Variants in SHC3 observed in about 807,000 individuals in gnomAD.
SHC3 encodes SHC-transforming protein 3.
A neutral mutation model predicts 60.4 loss-of-function variants in SHC3; 15 were observed. The observed-to-expected ratio is 0.25, with a 90% CI of 0.17 to 0.38. The LOEUF (loss-of-function observed/expected upper bound fraction) is 0.38. Ranked by LOEUF, SHC3 falls within the 10% of genes least tolerant of loss-of-function variation. The pLI is 1.00. For missense variants in SHC3, 677 were observed against 786.1 expected (o/e 0.86, Z 1.66); for synonymous variants, 294 against 325.9 (o/e 0.90, Z 1.05).
Position 89,045,623 on chromosome 9 carries a change from C to T in SHC3, c.1201+123G>A, listed in dbSNP as rs532117138. The T allele has an allele frequency of 9.9e-5, 82 of 825,592 alleles. 1 individual carries two copies. The highest frequency in any genetic ancestry group is 8.0e-4 in the South Asian group (48 of 60,162). The allele number at this position is 825,592 out of a possible 1,614,324, so 51.1% of individuals were successfully genotyped here. On this transcript the variant is annotated intron_variant, in intron 9 of 11. Coordinates refer to ENST00000375835, the MANE Select transcript of SHC3 (RefSeq NM_016848.6). ...GTCTAGTCAGGATTCTATAGCAACA[C>T]ACACAGCACATATATCCAGGGGTCA... is the stretch of plus-strand genomic sequence containing the variant.
chr9:89,028,457 AATTTAT>A (rs1407612823), intron 11 of SHC3, among the ~76,000 whole-genome samples: 3 of 149,538 alleles, frequency 2.0e-5, no homozygotes, highest in East Asian at 3.9e-4. Context: ...AAAGTTAAAC[AATTTAT>A]ATTAATAGAT....
At chr9:89,027,486 T>G (rs1487555263) in intron 11 of SHC3, among the ~76,000 whole-genome samples, 1 of 152,034 alleles carries the variant, frequency 6.6e-6, no homozygotes, top group Non-Finnish European at 1.5e-5. Flanking sequence ...CCGGCTAATT[T>G]TTTGTATTTT....
intron 1 of SHC3, among the ~76,000 whole-genome samples, chr9:89,127,277 C>A (rs1400103175): frequency 4.6e-5 from 7 of 152,114 alleles, no homozygotes; most frequent in African/African-American, 1.7e-4. Flanking sequence ...TTTCCTTTCT[C>A]TAAGCACCTG....
rs778562085 is a variant in SHC3, at chr9:89,037,877, C to T, written c.1656+116G>A. The T allele has an allele frequency of 2.2e-6, 3 of 1,335,514 alleles. No homozygotes were observed. In the East Asian group the frequency reaches 7.3e-5, roughly 32 times the overall value. 82.7% of individuals were successfully genotyped at this position (1,335,514 alleles called of 1,614,324 possible). On this transcript the variant is annotated intron_variant, in intron 11 of 11. Coordinates refer to ENST00000375835, the MANE Select transcript of SHC3 (RefSeq NM_016848.6). ...TGTCCCTGCGTTCCCCTGGAGGACT[C>T]AGTAGGCACTTGTGGATAGAGGTGG...
intron 1 of SHC3, among the ~76,000 whole-genome samples, chr9:89,171,337 A>G (rs1290610171): frequency 6.6e-6 from 1 of 152,236 alleles, no homozygotes; most frequent in African/African-American, 2.4e-5. Flanking sequence ...TAGATTGCCA[A>G]ACAATTATAT....
At chr9:89,041,667 C>A (rs551395444) in intron 10 of SHC3, among the ~76,000 whole-genome samples, 30 of 152,320 alleles carry the variant, frequency 2.0e-4, no homozygotes, top group Middle Eastern at 3.4e-3. Flanking sequence ...ACGGGCCATG[C>A]CATTTCATCT....
intron 11 of SHC3, among the ~76,000 whole-genome samples, chr9:89,030,790 G>T (rs9410448): frequency 1.3e-5 from 2 of 151,900 alleles, no homozygotes; most frequent in East Asian, 3.8e-4. Flanking sequence ...TTTTCCTTCC[G>T]TTTTTCCTCC....
chr9:89,169,001 C>T (rs1826830281), intron 1 of SHC3, among the ~76,000 whole-genome samples: 1 of 152,180 alleles, frequency 6.6e-6, no homozygotes, highest in Admixed American at 6.5e-5. Flanking sequence ...GGAACTGACA[C>T]CATAAGCTTT....
chr9:89,086,380 C>G (rs972817790), intron 2 of SHC3, among the ~76,000 whole-genome samples: 12 of 152,232 alleles, frequency 7.9e-5, no homozygotes, highest in Non-Finnish European at 1.6e-4. Context: ...TTTGCGAGAA[C>G]GGCTCACAGA....
At chr9:89,039,785 C>T (rs540951116) in intron 10 of SHC3, among the ~76,000 whole-genome samples, 4 of 151,434 alleles carry the variant, frequency 2.6e-5, no homozygotes, top group Admixed American at 2.0e-4. Flanking sequence ...TATCCCCTCA[C>T]CATTATCACC....
chr9:89,102,708 G>A (rs1195320207), intron 2 of SHC3, among the ~76,000 whole-genome samples: 1 of 152,092 alleles, frequency 6.6e-6, no homozygotes, highest in Non-Finnish European at 1.5e-5. Flanking sequence ...GCTAAACAAT[G>A]TACAGCAAAG....
intron 11 of SHC3, among the ~76,000 whole-genome samples, chr9:89,022,157 T>C (rs1030757503): frequency 1.3e-5 from 2 of 152,062 alleles, no homozygotes; most frequent in African/African-American, 4.8e-5. Flanking sequence ...GGCTGGACCA[T>C]GATCTTAGCC....
chr9:89,070,783 T>C (rs1198969472), intron 5 of SHC3, among the ~76,000 whole-genome samples: 2 of 152,206 alleles, frequency 1.3e-5, no homozygotes, highest in Non-Finnish European at 2.9e-5. Context: ...TTTTAAATGC[T>C]TATGAATAAA....
intron 3 of SHC3, among the ~76,000 whole-genome samples, chr9:89,077,499 T>A (rs1004641710): frequency 6.6e-6 from 1 of 152,232 alleles, no homozygotes; most frequent in Non-Finnish European, 1.5e-5. Flanking sequence ...AGCACACCAC[T>A]GGGGATATCT....
chr9:89,037,139 ACTGAGTCTTGGCAC>A (rs376672945), intron 11 of SHC3, among the ~76,000 whole-genome samples: 345 of 152,268 alleles, frequency 2.3e-3, no homozygotes, highest in African/African-American at 8.0e-3. Flanking sequence ...TATTCAGGCA[ACTGAGTCTTGGCAC>A]CTGAGGTAAT....
At position 89,011,924 on chromosome 9, in the gene SHC3, G is replaced by C. The variant is rs575722822; in HGVS notation, c.*1523C>G. ...CACGCACACCCCAAGGCAGAAATGG[G>C]GCTCATACCATTGGCATTAGAACTT... is the stretch of plus-strand genomic sequence containing the variant. On this transcript the variant is annotated 3_prime_UTR_variant, in exon 12 of 12. Coordinates refer to ENST00000375835, the MANE Select transcript of SHC3 (RefSeq NM_016848.6). The C allele has an allele frequency of 6.6e-6, 1 of 152,180 alleles. No individual in the cohort carries two copies. 9.4% of individuals were successfully genotyped at this position (152,180 alleles called of 1,614,324 possible).
At chr9:89,038,354 A>G in intron 10 of SHC3, 66 bp from the exon 11 acceptor site, 1 of 1,468,456 alleles carries the variant, frequency 6.8e-7, no homozygotes, top group Non-Finnish European at 9.1e-7. Context: ...AAAAAAAAAA[A>G]AAAAAAATAC....
chr9:89,175,972 G>A (rs573560027), intron 1 of SHC3, among the ~76,000 whole-genome samples: 66 of 152,298 alleles, frequency 4.3e-4, no homozygotes, highest in African/African-American at 1.6e-3. Context: ...TTTAGCATCT[G>A]GTTTTCTTTC....
At chr9:89,013,707 A>G in intron 11 of SHC3, 132 bp from the exon 12 acceptor site, 1 of 1,304,520 alleles carries the variant, frequency 7.7e-7, no homozygotes, top group South Asian at 1.5e-5. Flanking sequence ...GGCTTCCACC[A>G]CTTTAGAGAT....
Sources: allele counts gnomAD v4.1 joint callset (sites outside exome capture counted in the v4.1 genomes callset), GRCh38; gene constraint gnomAD v4.1.1; transcripts MANE v1.5; gene names NCBI Gene and HGNC (gene_info 2026-07-23, HGNC 2026-07-21).